Variants in UGT2B7 observed in about 807,000 individuals in gnomAD.
The protein encoded by UGT2B7 is UDP glucuronosyltransferase family 2 member B7, also known as UDP-glucuronosyltransferase 2B7.
Under a neutral mutation model 51.9 loss-of-function variants are expected in UGT2B7, and 51 were observed. The ratio of observed to expected loss-of-function variants is 0.98; its 90% CI spans 0.78 to 1.24. The LOEUF (loss-of-function observed/expected upper bound fraction) is 1.24. Ranked by LOEUF, UGT2B7 falls within the 50% of genes most tolerant of loss-of-function variation. The probability of loss-of-function intolerance (pLI) is 0.00; values close to 1 mark genes in which losing one functional copy is unlikely to be tolerated. For synonymous variants in UGT2B7, 225 were observed against 211.6 expected, an observed-to-expected ratio of 1.06 and a Z score of -0.55; for missense variants, 727 against 628.4, an observed-to-expected ratio of 1.16 and a Z score of -1.68.
At chr4:69,103,958 G>T (rs1184679842) in intron 3 of UGT2B7, among the ~76,000 whole-genome samples, 1 of 152,016 alleles carries the variant, frequency 6.6e-6, no homozygotes, top group African/African-American at 2.4e-5. Context: ...GAGGAGTAGG[G>T]GACTAAGGAG....
intron 5 of UGT2B7, 70 bp from the exon 6 acceptor site, chr4:69,112,387 A>T: frequency 6.5e-7 from 1 of 1,542,576 alleles, no homozygotes; most frequent in Non-Finnish European, 8.7e-7. Context: ...TTCCTTCTTT[A>T]ACTCGGTGTC....
At chr4:69,055,817 A>G (rs901442247) in intron 1 of UGT2B7, among the ~76,000 whole-genome samples, 6 of 152,226 alleles carry the variant, frequency 3.9e-5, no homozygotes, top group Admixed American at 2.6e-4. Flanking sequence ...AGTATTGCAT[A>G]TCTAAAGAAA....
intron 1 of UGT2B7, among the ~76,000 whole-genome samples, chr4:69,076,858 A>G (rs530693325): frequency 1.3e-5 from 2 of 152,294 alleles, no homozygotes; most frequent in African/African-American, 2.4e-5. Flanking sequence ...GTCTTTGCCC[A>G]TGCCTATGTC....
chr4:69,094,401 G>C (rs1719165177), upstream of UGT2B7, among the ~76,000 whole-genome samples: 1 of 29,268 alleles, frequency 3.4e-5, no homozygotes, highest in Non-Finnish European at 5.2e-5. Context: ...GCCCGCCTCG[G>C]CCTCCCAAAG....
intron 2 of UGT2B7, among the ~76,000 whole-genome samples, chr4:69,100,620 T>C (rs1011159485): frequency 6.6e-6 from 1 of 151,682 alleles, no homozygotes; most frequent in African/African-American, 2.4e-5. Flanking sequence ...TCCCCACCCA[T>C]ACTAAGGGAA....
intron 1 of UGT2B7, among the ~76,000 whole-genome samples, chr4:69,085,290 T>C (rs59592861): frequency 0.033 from 5,034 of 152,238 alleles, 116 homozygotes; most frequent in Middle Eastern, 0.11. Context: ...TCATATCCTT[T>C]ACCCACTTTT....
chr4:69,052,214 A>G (rs1158507341), intron 1 of UGT2B7, among the ~76,000 whole-genome samples: 1 of 152,104 alleles, frequency 6.6e-6, no homozygotes, highest in Non-Finnish European at 1.5e-5. Flanking sequence ...CCTGTAAACC[A>G]AGGCACCAAG....
At chr4:69,079,007 C>T (rs950810867) in intron 1 of UGT2B7, among the ~76,000 whole-genome samples, 3 of 152,100 alleles carry the variant, frequency 2.0e-5, no homozygotes, top group Admixed American at 1.3e-4. Context: ...GTATTACCTG[C>T]CTGGTTACCA....
At chr4:69,101,427 C>A (rs1719414582) in intron 2 of UGT2B7, among the ~76,000 whole-genome samples, 1 of 151,846 alleles carries the variant, frequency 6.6e-6, no homozygotes, top group South Asian at 2.1e-4. Context: ...AAGAAACAAC[C>A]AGTCCATATC....
chr4:69,106,658 G>A (rs1719609924), intron 3 of UGT2B7, among the ~76,000 whole-genome samples: 1 of 151,920 alleles, frequency 6.6e-6, no homozygotes, highest in African/African-American at 2.4e-5. Flanking sequence ...TTACCTCTAG[G>A]TTTTTGAGGA....
rs1466161223 is a variant in UGT2B7 at position 69,112,486 on chromosome 4, G to T, written c.1340G>T (p.Arg447Ile). Residue 447 changes from arginine to isoleucine, a missense_variant, in exon 6 of 6, where the codon AGA (arginine) becomes ATA (isoleucine). By Grantham distance (97) the Arg-to-Ile change is moderately conservative. Transcript: ENST00000305231. ...SYKENVMKLS[R>I]IQHDQPVKPL... ...AAAGAGAATGTTATGAAATTATCAA[G>T]AATTCAACATGATCAACCAGTGAAG... 2 of 1,613,528 alleles carry T rather than the reference G, an allele frequency of 1.2e-6. No individual in the cohort carries two copies. Among genetic ancestry groups the T allele is most frequent in the Middle Eastern group, 1.6e-4 (1 of 6,072 alleles).
intron 4 of UGT2B7, among the ~76,000 whole-genome samples, chr4:69,107,816 CCTAT>C (rs1343013069): frequency 6.6e-6 from 1 of 152,068 alleles, no homozygotes; most frequent in Non-Finnish European, 1.5e-5. Context: ...TCACTTCATG[CCTAT>C]CTCTTTGCTG....
Position 69,106,915 on chromosome 4 carries a change from A to C in UGT2B7, c.1003-260A>C, listed in dbSNP as rs181448385. On this transcript the variant is annotated intron_variant, in intron 3 of 5. Coordinates refer to ENST00000305231, the MANE Select transcript of UGT2B7 (RefSeq NM_001074.4). ...CGTAGGTTTTCTTTTAAAAGGTGTAACAATTTTTTAAATGCTTGAAATTTT... is the reference window on the plus strand; with the variant it reads ...CGTAGGTTTTCTTTTAAAAGGTGTACCAATTTTTTAAATGCTTGAAATTTT... 1.8e-3 allele frequency among the ~76,000 whole-genome samples: 273 copies of C among 151,928 alleles called. 2 individuals are homozygous for C. Among genetic ancestry groups the C allele is most frequent in the African/African-American group, 6.4e-3 (265 of 41,446 alleles).
intron 1 of UGT2B7, among the ~76,000 whole-genome samples, chr4:69,064,094 A>AAGAAAGAAAGAAAGAAAGAG (rs1560499755): frequency 1.3e-4 from 11 of 84,480 alleles, no homozygotes; most frequent in Non-Finnish European, 2.1e-4. Flanking sequence ...GAAAGAAAGA[A>AAGAAAGAAAGAAAGAAAGAG]AGAGAAAGAA....
At chr4:69,102,686 A>G in intron 2 of UGT2B7, 121 bp from the exon 3 acceptor site, 1 of 1,449,976 alleles carries the variant, frequency 6.9e-7, no homozygotes, top group Non-Finnish European at 9.3e-7. Context: ...AAAAAATATT[A>G]TTTACTCCAA....
At chr4:69,066,254 T>G (rs555081667) in intron 1 of UGT2B7, 1 of 152,286 alleles carries the variant, frequency 6.6e-6, no homozygotes, top group South Asian at 2.1e-4. Context: ...TTTTACAGAT[T>G]ATTTCATCAC....
intron 3 of UGT2B7, among the ~76,000 whole-genome samples, chr4:69,104,886 C>A (rs1380185272): frequency 6.6e-6 from 1 of 152,138 alleles, no homozygotes; most frequent in Non-Finnish European, 1.5e-5. Context: ...GCATGTAATC[C>A]AGCCTCTTGT....
chr4:69,071,484 T>C (rs111909043), intron 1 of UGT2B7, among the ~76,000 whole-genome samples: 4,994 of 152,158 alleles, frequency 0.033, 262 homozygotes, highest in African/African-American at 0.11. Flanking sequence ...CATTACAGCC[T>C]TTGGACTCAG....
At position 69,112,834 on chromosome 4, in the gene UGT2B7, G is replaced by T. The variant is rs1156655643; in HGVS notation, c.*98G>T. On this transcript the variant is annotated 3_prime_UTR_variant, in exon 6 of 6. Transcript: ENST00000305231. ...TGATGCAAGATTTCTTTCTTCCTGA[G>T]ACAAAAAAAAAAAAAGAAAAAAAAA... 2.3e-5 allele frequency: 19 copies of T among 829,964 alleles called. No individual in the cohort carries two copies. Among genetic ancestry groups the T allele is most frequent in the Non-Finnish European group, 2.4e-5 (16 of 666,430 alleles). 51.4% of individuals were successfully genotyped at this position (829,964 alleles called of 1,614,324 possible). A position where few individuals can be genotyped will look rare whatever the true frequency, so the allele number is the denominator to read the frequency against.
Sources: gnomAD v4.1 joint callset for allele counts (sites outside exome capture counted in the v4.1 genomes callset) on GRCh38, gnomAD v4.1.1 for gene constraint, MANE v1.5 for transcripts, NCBI Gene and HGNC (gene_info 2026-07-23, HGNC 2026-07-21) for gene names.